Variants in DIS3 observed in about 807,000 individuals in gnomAD.
The protein encoded by DIS3 is exosome complex exonuclease RRP44.
A neutral mutation model predicts 113.0 loss-of-function variants in DIS3; 103 were observed. That is an observed-to-expected ratio of 0.91 (90% CI 0.78 to 1.07). The LOEUF (loss-of-function observed/expected upper bound fraction) is 1.07, where lower values mean the gene tolerates loss of function less well. DIS3 is among the 50% of genes least tolerant of loss of function. DIS3 has a pLI of 0.00. For synonymous variants in DIS3, 402 were observed against 394.3 expected (o/e 1.02, Z -0.23); for missense variants, 1,121 against 1,167.1 (o/e 0.96, Z 0.58).
At chr13:72,777,854 T>C (rs79609756) in intron 3 of DIS3, among the ~76,000 whole-genome samples, 18,402 of 151,970 alleles carry the variant, frequency 0.12, 1,390 homozygotes, top group Non-Finnish European at 0.17. Flanking sequence ...CCCAAAGTGC[T>C]GGGATTACAG....
intron 9 of DIS3, 86 bp downstream of exon 9, chr13:72,772,607 C>T: frequency 7.1e-7 from 1 of 1,398,810 alleles, no homozygotes; most frequent in Non-Finnish European, 9.6e-7. Context: ...GTGGTGTCTA[C>T]ATATTTAAAA....
chr13:72,773,473 A>T (rs748519233), intron 8 of DIS3, among the ~76,000 whole-genome samples: 3 of 152,168 alleles, frequency 2.0e-5, no homozygotes, highest in Non-Finnish European at 2.9e-5. Context: ...AAAAGAAGAA[A>T]TTTACATAAA....
In DIS3 at chr13:72,759,897, G is replaced by A; in HGVS notation, c.2794-19C>T. 6.3e-7 allele frequency: 1 copy of A among 1,576,384 alleles called. No individual in the cohort carries two copies. Among genetic ancestry groups the A allele is most frequent in the Non-Finnish European group, 8.7e-7 (1 of 1,148,010 alleles). ...CTGGTATCTAAAGTAATGCAAATGGGGGGAAATAAGGTGATTTAAAGGATA... is the reference window on the plus strand; with the variant it reads ...CTGGTATCTAAAGTAATGCAAATGGAGGGAAATAAGGTGATTTAAAGGATA... On this transcript the variant is annotated intron_variant, in intron 20 of 20. Transcript: ENST00000377767.
chr13:72,753,906 A>G lies in DIS3; in HGVS notation c.*5889T>C. On this transcript the variant is annotated 3_prime_UTR_variant, in exon 21 of 21. Transcript: ENST00000377767. ...TGATTATTAGACAATAGTACTATTG[A>G]GAAACTATATGAAATTTAAAACACT... The G allele has an allele frequency of 9.4e-6, 12 of 1,282,550 alleles. No individual in the cohort carries two copies. In the South Asian group the frequency reaches 1.1e-4, roughly 11 times the overall value. The allele number at this position is 1,282,550 out of a possible 1,614,324, so 79.4% of individuals were successfully genotyped here.
At position 72,756,617 on chromosome 13, in the gene DIS3, G is replaced by C. The variant is rs1434161873; in HGVS notation, c.*3178C>G. The stretch of plus-strand genomic sequence containing the variant: ...AATTGTAGCAATCCCCACGTGTCAA[G>C]GGTGGGACCAGGTGGAGGTAACTGG... On this transcript the variant is annotated 3_prime_UTR_variant, in exon 21 of 21. Transcript: ENST00000377767. 1 of 152,206 alleles carries C rather than the reference G, an allele frequency of 6.6e-6. No individual in the cohort carries two copies. Among genetic ancestry groups the C allele is most frequent in the African/African-American group, 2.4e-5 (1 of 41,434 alleles). The allele number at this position is 152,206 out of a possible 1,614,324, so 9.4% of individuals were successfully genotyped here. A position where few individuals can be genotyped will look rare whatever the true frequency, so the allele number is the denominator to read the frequency against.
Position 72,768,785 on chromosome 13 carries a change from C to G in DIS3, c.1883G>C (p.Gly628Ala), listed in dbSNP as rs778299796. Residue 628 changes from glycine to alanine, a missense_variant and splice_region_variant, in exon 14 of 21, where the codon GGG becomes GCG. Gly to Ala is a moderately conservative substitution (Grantham distance 60). This residue lies in a region of DIS3 where 861 missense variants were observed against 915.5 expected (regional missense o/e 0.94). Transcript: ENST00000377767. ...KILKKRRIEKGALTLSSPEVR... is the reference protein window; with the variant it reads ...KILKKRRIEKAALTLSSPEVR... Reference sequence around the variant, plus strand: ...TAATACTATGAAAAACAAAATATACCCTTTTTCAATCCTTCTTTTCTTCAG... The same window carrying G: ...TAATACTATGAAAAACAAAATATACGCTTTTTCAATCCTTCTTTTCTTCAG... 6.3e-7 allele frequency: 1 copy of G among 1,589,842 alleles called. No individual in the cohort carries two copies. The highest frequency in any genetic ancestry group is 1.4e-5 in the African/African-American group (1 of 73,832).
intron 8 of DIS3, 78 bp from the exon 9 acceptor site, chr13:72,772,917 T>A (rs1037027995): frequency 4.8e-6 from 7 of 1,444,780 alleles, no homozygotes; most frequent in Non-Finnish European, 6.5e-6. Flanking sequence ...CTTCAGCATT[T>A]ACATATCTTC....
chr13:72,760,701 CT>C, intron 19 of DIS3, 50 bp from the exon 20 acceptor site: 1 of 1,592,024 alleles, frequency 6.3e-7, no homozygotes, highest in Non-Finnish European at 8.6e-7. Flanking sequence ...ACATTTGAGG[CT>C]TTGTTCTAAT....
At chr13:72,766,778 A>C (rs919852178) in intron 14 of DIS3, among the ~76,000 whole-genome samples, 1 of 152,190 alleles carries the variant, frequency 6.6e-6, no homozygotes, top group African/African-American at 2.4e-5. Flanking sequence ...AAATCAACCT[A>C]AAACTAAAAA....
chr13:72,766,063 A>G lies in DIS3; in HGVS notation c.1884-5T>C. The G allele has an allele frequency of 1.9e-6, 3 of 1,591,804 alleles. No homozygotes were observed. Among genetic ancestry groups the G allele is most frequent in the Non-Finnish European group, 2.6e-6 (3 of 1,170,570 alleles). On this transcript the variant is annotated splice_region_variant and splice_polypyrimidine_tract_variant and intron_variant, in intron 14 of 20. Transcript: ENST00000377767. ...GGAGAGGATAGAGTCAAAGCCCTAC[A>G]TAAAAATTAAAGAGAAAAATTATAG...
intron 6 of DIS3, among the ~76,000 whole-genome samples, chr13:72,774,606 A>G (rs977325665): frequency 6.6e-6 from 1 of 152,172 alleles, no homozygotes; most frequent in Non-Finnish European, 1.5e-5. Flanking sequence ...ATAATTTTAT[A>G]GTGAGACTCC....
At chr13:72,772,309 T>C (rs759732111) in intron 9 of DIS3, 34 bp from the exon 10 acceptor site, 9 of 1,498,080 alleles carry the variant, frequency 6.0e-6, no homozygotes, top group African/African-American at 1.4e-5. Context: ...AAATAAATTA[T>C]TTCCAAAGCA....
At chr13:72,771,454 C>T (rs1490598967) in intron 11 of DIS3, among the ~76,000 whole-genome samples, 2 of 152,128 alleles carry the variant, frequency 1.3e-5, no homozygotes, top group African/African-American at 4.8e-5. Context: ...TAAGTTTATA[C>T]TTGATACCTG....
chr13:72,775,191 A>C lies in DIS3; in HGVS notation c.987+20T>G, dbSNP rs2033978505. 1 of 1,582,478 alleles carries C rather than the reference A, an allele frequency of 6.3e-7. No homozygotes were observed. The highest frequency in any genetic ancestry group is 8.6e-7 in the Non-Finnish European group (1 of 1,166,384). On this transcript the variant is annotated intron_variant, in intron 6 of 20. Coordinates refer to ENST00000377767, the MANE Select transcript of DIS3 (RefSeq NM_014953.5). ...ATACAAAGCTACACAGACAAAAAAA[A>C]ATCCTGCTTAGATTCATACCATTCG...
chr13:72,777,374 G>T, intron 4 of DIS3, 46 bp downstream of exon 4: 2 of 1,567,596 alleles, frequency 1.3e-6, no homozygotes, highest in South Asian at 1.1e-5. Context: ...ATTCCAAAGT[G>T]GCTATTTTAA....
At position 72,777,404 on chromosome 13, in the gene DIS3, C is replaced by T. The variant is rs1447022604; in HGVS notation, c.654+16G>A. The T allele has an allele frequency of 1.9e-6, 3 of 1,612,524 alleles. No individual in the cohort carries two copies. The highest frequency in any genetic ancestry group is 2.5e-6 in the Non-Finnish European group (3 of 1,179,306). Reference sequence around the variant, plus strand: ...TTTTAATATTTTTACTTTTCAAAAACAAAACAAAAACATACCCCTTCTTCA... The same window carrying T: ...TTTTAATATTTTTACTTTTCAAAAATAAAACAAAAACATACCCCTTCTTCA... On this transcript the variant is annotated intron_variant, in intron 4 of 20. Coordinates refer to ENST00000377767, the MANE Select transcript of DIS3 (RefSeq NM_014953.5).
intron 4 of DIS3, 135 bp from the exon 5 acceptor site, chr13:72,776,227 G>T: frequency 2.4e-6 from 2 of 835,290 alleles, no homozygotes; most frequent in Non-Finnish European, 3.4e-6. Context: ...GAAGATAGCA[G>T]TGTTTCTTAT....
rs1257538250 is a variant in DIS3, at chr13:72,781,826, T to G, written c.7A>C (p.Lys3Gln). 6.3e-7 allele frequency: 1 copy of G among 1,585,974 alleles called. No homozygotes were observed. The highest frequency in any genetic ancestry group is 8.6e-7 in the Non-Finnish European group (1 of 1,163,578). Reference sequence around the variant, plus strand: ...GTCTTTTTTAAGAACGTCTTGGACTTGAGCATCTTGCCTCGCCGCGCAGAA... The same window carrying G: ...GTCTTTTTTAAGAACGTCTTGGACTGGAGCATCTTGCCTCGCCGCGCAGAA... ML[K>Q]SKTFLKKTRA... is the part of the protein sequence containing the mutation. Residue 3 changes from lysine to glutamine, a missense_variant, in exon 1 of 21, where the codon AAG (lysine) becomes CAG (glutamine). By Grantham distance (53) the Lys-to-Gln change is moderately conservative. Coordinates refer to ENST00000377767, the MANE Select transcript of DIS3 (RefSeq NM_014953.5).
At position 72,775,409 on chromosome 13, in the gene DIS3, T is replaced by A. The variant is rs765052844; in HGVS notation, c.823-34A>T. 3 of 1,555,622 alleles carry A rather than the reference T, an allele frequency of 1.9e-6. No homozygotes were observed. The Admixed American group carries it at 6.1e-5, about 31-fold the overall frequency. Reference sequence around the variant, plus strand: ...AACAACAGAGGGCACGTGCCCAAATTATTTTTAATGGCAATATAATAAAGG... The same window carrying A: ...AACAACAGAGGGCACGTGCCCAAATAATTTTTAATGGCAATATAATAAAGG... On this transcript the variant is annotated intron_variant, in intron 5 of 20. Coordinates refer to ENST00000377767, the MANE Select transcript of DIS3 (RefSeq NM_014953.5).
Sources: gnomAD v4.1 joint callset for allele counts (sites outside exome capture counted in the v4.1 genomes callset) on GRCh38, gnomAD v4.1.1 for gene constraint, gnomAD v4.1.1 regional missense constraint, MANE v1.5 for transcripts, NCBI Gene and HGNC (gene_info 2026-07-23, HGNC 2026-07-21) for gene names.